Variants in MYH7B observed in about 807,000 individuals in gnomAD.
MYH7B encodes the protein myosin-7B.
A neutral mutation model predicts 234.5 loss-of-function variants in MYH7B; 205 were observed. That is an observed-to-expected ratio of 0.87 (90% CI 0.78 to 0.98). The LOEUF (loss-of-function observed/expected upper bound fraction) is 0.98. MYH7B is among the 50% of genes least tolerant of loss of function. MYH7B has a pLI of 0.00. For missense variants in MYH7B, 2,652 were observed against 2,633.4 expected, an observed-to-expected ratio of 1.01 and a Z score of -0.15; for synonymous variants, 1,193 against 1,105.0, an observed-to-expected ratio of 1.08 and a Z score of -1.58.
intron 10 of MYH7B, among the ~76,000 whole-genome samples, chr20:34,983,922 A>G (rs1231253387): frequency 6.6e-6 from 1 of 152,170 alleles, no homozygotes; most frequent in African/African-American, 2.4e-5. Context: ...AGTAGGGAAG[A>G]GAAGGAAAGG....
At chr20:34,993,601 C>A in intron 26 of MYH7B, 131 bp downstream of exon 26, 1 of 1,065,142 alleles carries the variant, frequency 9.4e-7, no homozygotes, top group Non-Finnish European at 1.3e-6. Context: ...GGGCAAGGTT[C>A]TGTTCTGTGT....
At position 34,989,814 on chromosome 20, in the gene MYH7B, G is replaced by A. The variant is rs765408332; in HGVS notation, c.1662G>A (p.Lys554=). 6 of 1,614,096 alleles carry A rather than the reference G, an allele frequency of 3.7e-6. No homozygotes were observed. In the African/African-American group the frequency reaches 4.0e-5, roughly 11 times the overall value. ...CCTCAGACGCCAGCTTCCGGGCCAA[G>A]CTCTACGACAACCACGCGGGGAAGT... Residue 554 remains lysine (K), a synonymous_variant, in exon 20 of 45, where the codon AAG becomes AAA. Coordinates refer to ENST00000262873, the Ensembl canonical transcript of MYH7B.
intron 24 of MYH7B, 43 bp downstream of exon 24, chr20:34,991,164 C>T (rs1227117670): frequency 7.1e-7 from 1 of 1,409,102 alleles, no homozygotes; most frequent in African/African-American, 1.4e-5. Flanking sequence ...AGGTGGAGGC[C>T]TGAGGGGCTG....
At position 34,997,443 on chromosome 20, in the gene MYH7B, G is replaced by A. The variant is rs1166587393; in HGVS notation, c.3550G>A (p.Glu1184Lys). The stretch of plus-strand genomic sequence containing the variant: ...GGCGGAGCTGGGGAGGCTGCGGCGG[G>A]AGCTGGAGGAGGCGGCGCTGCGGCA... The change falls in exon 32 of 45, where the codon GAG (glutamate) becomes AAG (lysine). Residue 1184 changes from glutamate (E) to lysine (K), a missense_variant. Transcript: ENST00000262873. The A allele has an allele frequency of 4.1e-6, 6 of 1,479,072 alleles. No individual in the cohort carries two copies. In the South Asian group the frequency reaches 8.1e-5, roughly 20 times the overall value. The allele number at this position is 1,479,072 out of a possible 1,614,324, so 91.6% of individuals were successfully genotyped here.
chr20:34,986,631 C>T (rs1398969404), intron 14 of MYH7B, among the ~76,000 whole-genome samples: 1 of 152,192 alleles, frequency 6.6e-6, no homozygotes, highest in Non-Finnish European at 1.5e-5. Context: ...GACTGTGGCT[C>T]ATTCCTCAGA....
chr20:35,002,257 G>C (rs369903809), exon 45 of MYH7B: 4 of 1,482,078 alleles, frequency 2.7e-6, no homozygotes, highest in East Asian at 4.7e-5. Flanking sequence ...CACCTGCCCC[G>C]ATCCTGCCAT....
At chr20:34,981,816 C>T (rs55641088) in intron 9 of MYH7B, 11,652 of 144,428 alleles carry the variant, frequency 0.081, 545 homozygotes, top group South Asian at 0.13. Context: ...CACGCCACTG[C>T]ACTCCAGCCT....
At chr20:34,968,881 G>T (rs2081767482) in intron 2 of MYH7B, among the ~76,000 whole-genome samples, 1 of 152,258 alleles carries the variant, frequency 6.6e-6, no homozygotes, top group Non-Finnish European at 1.5e-5. Context: ...AGCACACAAG[G>T]GGCTGGGGGC....
chr20:34,998,275 C>T lies in MYH7B; in HGVS notation c.3748-20C>T, dbSNP rs1201323534. 6.2e-7 allele frequency: 1 copy of T among 1,613,094 alleles called. No homozygotes were observed. The highest frequency in any genetic ancestry group is 1.1e-5 in the South Asian group (1 of 90,936). ...CTGACATCTAACTCCTGACCCCTGA[C>T]TCCCAACCTGGGATCCTAGGCCAGT... is the stretch of plus-strand genomic sequence containing the variant. On this transcript the variant is annotated intron_variant, in intron 32 of 44. Coordinates refer to ENST00000262873, the Ensembl canonical transcript of MYH7B.
At chr20:34,987,772 T>C in exon 18 of MYH7B, 1 of 1,614,184 alleles carries the variant, frequency 6.2e-7, no homozygotes, top group Non-Finnish European at 8.5e-7. Flanking sequence ...CAGGTGGTGT[T>C]TGCTGTGGGG....
chr20:34,980,069 G>A (rs940139683), intron 7 of MYH7B: 2 of 523,722 alleles, frequency 3.8e-6, no homozygotes, highest in South Asian at 2.2e-5. Context: ...GAACTCACCT[G>A]CGGACTATGG....
At position 34,997,413 on chromosome 20, in the gene MYH7B, CGGGAGGCGGAGCTG is replaced by C. The variant is rs1212914598; in HGVS notation, c.3528_3541del (p.Glu1177AlafsTer49). 3 of 1,474,480 alleles carry C rather than the reference CGGGAGGCGGAGCTG, an allele frequency of 2.0e-6. No homozygotes were observed. Among genetic ancestry groups the C allele is most frequent in the Non-Finnish European group, 2.7e-6 (3 of 1,123,078 alleles). The allele number at this position is 1,474,480 out of a possible 1,614,324, so 91.3% of individuals were successfully genotyped here. A position where few individuals can be genotyped will look rare whatever the true frequency, so the allele number is the denominator to read the frequency against. ...GGGGCAGCGCGAGGGCTGCCGCAAG[CGGGAGGCGGAGCTG>C]GGGAGGCTGCGGCGGGAGCTGGAGG... On this transcript the variant is annotated frameshift_variant, in exon 32 of 45. Coordinates refer to ENST00000262873, the Ensembl canonical transcript of MYH7B. LOFTEE classifies it high-confidence loss of function.
Position 34,987,758 on chromosome 20 carries a change from C to T in MYH7B, c.1267-7C>T, listed in dbSNP as rs376843294. Reference sequence around the variant, plus strand: ...CAGGTCCCAGCCCAGCCTCCCTGCACCTCCAGGTGGTGTTTGCTGTGGGGG... The same window carrying T: ...CAGGTCCCAGCCCAGCCTCCCTGCATCTCCAGGTGGTGTTTGCTGTGGGGG... On this transcript the variant is annotated splice_region_variant and splice_polypyrimidine_tract_variant and intron_variant, in intron 17 of 44. Transcript: ENST00000262873. 55 of 1,614,162 alleles carry T rather than the reference C, an allele frequency of 3.4e-5. No homozygotes were observed. Among genetic ancestry groups the T allele is most frequent in the Non-Finnish European group, 4.4e-5 (52 of 1,180,000 alleles).
chr20:35,001,027 A>G, exon 41 of MYH7B: 2 of 1,613,854 alleles, frequency 1.2e-6, no homozygotes, highest in South Asian at 1.1e-5. Context: ...GGAGCAGGAC[A>G]CAAGTGCACA....
intron 33 of MYH7B, 28 bp from the exon 34 acceptor site, chr20:34,998,483 A>G (rs1042278703): frequency 1.9e-6 from 3 of 1,612,720 alleles, no homozygotes; most frequent in South Asian, 1.1e-5. Context: ...CACCAGCCTG[A>G]CCTGTCCGCT....
At position 34,996,382 on chromosome 20, in the gene MYH7B, G is replaced by C. The variant is rs779769037; in HGVS notation, c.2980G>C (p.Glu994Gln). 1.2e-6 allele frequency: 2 copies of C among 1,608,728 alleles called. No individual in the cohort carries two copies. Among genetic ancestry groups the C allele is most frequent in the African/African-American group, 2.7e-5 (2 of 74,790 alleles). Residue 994 changes from glutamate to glutamine, a missense_variant, in exon 29 of 45, where the codon GAG (glutamate) becomes CAG (glutamine). By Grantham distance (29) the Glu-to-Gln change is conservative. Transcript: ENST00000262873. ...GACGGAAGAGATGGCTGCGCTGGACGAGTCAGTGGCCCGGCTGACCAAGGA... is the reference window on the plus strand; with the variant it reads ...GACGGAAGAGATGGCTGCGCTGGACCAGTCAGTGGCCCGGCTGACCAAGGA...
intron 10 of MYH7B, among the ~76,000 whole-genome samples, chr20:34,983,785 G>A (rs2081976215): frequency 1.3e-5 from 2 of 152,320 alleles, no homozygotes; most frequent in South Asian, 4.1e-4. Context: ...ATGTCCCTGT[G>A]GGTATTTTAA....
chr20:34,991,989 G>A (rs567320643), intron 24 of MYH7B, among the ~76,000 whole-genome samples: 1 of 152,300 alleles, frequency 6.6e-6, no homozygotes, highest in South Asian at 2.1e-4. Flanking sequence ...CTCATGAGGG[G>A]CCTTCACAGC....
intron 2 of MYH7B, among the ~76,000 whole-genome samples, chr20:34,967,285 T>C (rs1011349350): frequency 6.6e-6 from 1 of 151,926 alleles, no homozygotes; most frequent in African/African-American, 2.4e-5. Context: ...TAGAGATATT[T>C]GTACTAATAA....
Sources: allele counts gnomAD v4.1 joint callset (sites outside exome capture counted in the v4.1 genomes callset), GRCh38; gene constraint gnomAD v4.1.1; transcripts MANE v1.5; gene names NCBI Gene and HGNC (gene_info 2026-07-23, HGNC 2026-07-21).